The following DIDO1 variants were observed in gnomAD, a reference collection of about 807,000 sequenced individuals.
DIDO1 encodes death inducer-obliterator 1.
A neutral mutation model predicts 99.4 loss-of-function variants in DIDO1; 16 were observed. The ratio of observed to expected loss-of-function variants is 0.16; its 90% CI spans 0.11 to 0.24. The LOEUF is 0.24. Ranked by LOEUF, DIDO1 falls within the 10% of genes least tolerant of loss-of-function variation. The pLI, the probability that DIDO1 is intolerant of heterozygous loss-of-function variation, is 1.00. For missense variants in DIDO1, 2,996 were observed against 3,014.0 expected, an observed-to-expected ratio of 0.99 and a Z score of 0.14; for synonymous variants, 1,366 against 1,239.1, an observed-to-expected ratio of 1.10 and a Z score of -2.15.
At chr20:62,906,499 A>G (rs1055724641) in intron 5 of DIDO1, among the ~76,000 whole-genome samples, 1 of 152,220 alleles carries the variant, frequency 6.6e-6, no homozygotes, top group Non-Finnish European at 1.5e-5. Context: ...GCTGTGCCCA[A>G]CGCCGAGGGT....
intron 5 of DIDO1, 38 bp downstream of exon 5, chr20:62,907,109 G>A: frequency 6.2e-7 from 1 of 1,604,896 alleles, no homozygotes; most frequent in Non-Finnish European, 8.5e-7. Flanking sequence ...TCACGCCTGT[G>A]CGTCCACTGC....
At chr20:62,907,120 C>T (rs1455347805) in intron 5 of DIDO1, 27 bp downstream of exon 5, 2 of 1,612,458 alleles carry the variant, frequency 1.2e-6, no homozygotes, top group Non-Finnish European at 1.7e-6. Flanking sequence ...CGTCCACTGC[C>T]TGGGCGGCTG....
intron 1 of DIDO1, among the ~76,000 whole-genome samples, chr20:62,933,342 T>C (rs561697176): frequency 6.6e-6 from 1 of 152,314 alleles, no homozygotes; most frequent in East Asian, 1.9e-4. Context: ...GAGGTCTGAG[T>C]GTTTCCTACC....
chr20:62,907,983 C>CA (rs1555847042), intron 4 of DIDO1, among the ~76,000 whole-genome samples: 9 of 149,468 alleles, frequency 6.0e-5, no homozygotes, highest in Non-Finnish European at 7.4e-5. Flanking sequence ...ATGAAACATA[C>CA]TTTTTTTTTT....
At chr20:62,889,429 G>A (rs902329070) in intron 15 of DIDO1, 36 of 985,334 alleles carry the variant, frequency 3.7e-5, no homozygotes, top group Middle Eastern at 5.2e-4. Flanking sequence ...CTCAAGAAAG[G>A]ATGAAATATC....
At chr20:62,909,677 G>A (rs748152405) in intron 4 of DIDO1, 22 bp downstream of exon 4, 21 of 1,609,010 alleles carry the variant, frequency 1.3e-5, no homozygotes, top group African/African-American at 1.1e-4. Flanking sequence ...CTGAATGCTC[G>A]TCTCAGCGGA....
intron 1 of DIDO1, among the ~76,000 whole-genome samples, chr20:62,932,051 T>C (rs1427126460): frequency 6.6e-6 from 1 of 152,246 alleles, no homozygotes; most frequent in Non-Finnish European, 1.5e-5. Flanking sequence ...CTGGAGGTTT[T>C]TTCCCTTCAG....
At position 62,922,225 on chromosome 20, in the gene DIDO1, CACACACATATATATATAT is replaced by C. The variant is rs1309329430; in HGVS notation, c.-200+4196_-200+4213del. On this transcript the variant is annotated intron_variant, in intron 1 of 15. Coordinates refer to ENST00000395343, the MANE Select transcript of DIDO1 (RefSeq NM_001193369.2). Reference sequence around the variant, plus strand: ...ATATATATGTACATATATATACACACACACACATATATATATATACACACACACACATATATATACACA... The same window carrying C: ...ATATATATGTACATATATATACACACACACACACACACATATATATACACA... Among the ~76,000 whole-genome samples, 104 of 90,624 alleles carry C rather than the reference CACACACATATATATATAT, an allele frequency of 1.1e-3. 2 individuals are homozygous for C. The highest frequency in any genetic ancestry group is 5.7e-4 in the Non-Finnish European group (25 of 44,010). The allele number at this position is 90,624 out of a possible 152,430, so 59.5% of individuals were successfully genotyped here.
At chr20:62,887,130 G>A (rs1006653665) in intron 15 of DIDO1, 25 of 985,404 alleles carry the variant, frequency 2.5e-5, no homozygotes, top group Non-Finnish European at 3.0e-5. Context: ...GGTGCACTGC[G>A]CTGGCTTATG....
intron 15 of DIDO1, 179 bp downstream of exon 15, chr20:62,890,781 T>G (rs527820446): frequency 1.4e-6 from 2 of 1,448,978 alleles, no homozygotes; most frequent in East Asian, 5.0e-5. Context: ...TCAGGGGTAC[T>G]TCTCGTGCCA....
chr20:62,881,188 G>A lies in DIDO1; in HGVS notation c.4768C>T (p.Leu1590=), dbSNP rs747946817. 1.1e-5 allele frequency: 18 copies of A among 1,607,214 alleles called. No individual in the cohort carries two copies. Among genetic ancestry groups the A allele is most frequent in the South Asian group, 1.1e-4 (10 of 90,978 alleles). The change falls in exon 16 of 16, where the codon CTG becomes TTG. Residue 1590 remains leucine (L), a synonymous_variant. Transcript: ENST00000395343. The surrounding 1 kb of genome is among the most constrained non-coding windows in gnomAD (Gnocchi z 8.3). ...RLSARGAQGA[L]PERDASRGGL... ...CCCCTGGAAGCATCTCTCTCGGGCA[G>A]GGCACCCTGGGCACCACGTGCCGAG... is the stretch of plus-strand genomic sequence containing the variant.
At chr20:62,924,382 G>A (rs753410794) in intron 1 of DIDO1, among the ~76,000 whole-genome samples, 1 of 152,162 alleles carries the variant, frequency 6.6e-6, no homozygotes, top group East Asian at 1.9e-4. Context: ...AGCCAAATAA[G>A]CCACTTGGTA....
chr20:62,912,904 C>A (rs1049279021), intron 2 of DIDO1, among the ~76,000 whole-genome samples: 1 of 152,052 alleles, frequency 6.6e-6, no homozygotes, highest in Non-Finnish European at 1.5e-5. Flanking sequence ...TGGTGGCAGG[C>A]GCCTGTAATC....
intron 6 of DIDO1, among the ~76,000 whole-genome samples, chr20:62,901,381 C>A (rs980352269): frequency 4.6e-5 from 7 of 152,226 alleles, no homozygotes; most frequent in African/African-American, 1.7e-4. Context: ...GATGGACGTT[C>A]CACTCAACTG....
chr20:62,888,493 G>A (rs1346062819), intron 15 of DIDO1: 1 of 985,392 alleles, frequency 1.0e-6, no homozygotes, highest in African/African-American at 1.7e-5. Context: ...CTGGGGGCGT[G>A]ACTCCAAGCT....
rs774436493 is a variant in DIDO1 at position 62,879,539 on chromosome 20, C to A, written c.6417G>T (p.Arg2139=). ...CCCAGTCCCGGCTGGAGTCCTTGTC[C>A]CGGTGTCGGTCCCACTCCCGGGGCC... is the stretch of plus-strand genomic sequence containing the variant. ...WDRPREWDRH[R]DKDSSRDWDR... Residue 2139 remains arginine (R), a synonymous_variant, in exon 16 of 16, where the codon CGG becomes CGT. Coordinates refer to ENST00000395343, the MANE Select transcript of DIDO1 (RefSeq NM_001193369.2). This position sits in a 1 kb window ranked among gnomAD's most constrained non-coding sequence, Gnocchi z 6.3. 8 of 1,600,326 alleles carry A rather than the reference C, an allele frequency of 5.0e-6. No individual in the cohort carries two copies. The African/African-American group carries it at 1.1e-4, about 21-fold the overall frequency.
At chr20:62,895,526 A>C (rs2064499913) in intron 8 of DIDO1, among the ~76,000 whole-genome samples, 1 of 152,246 alleles carries the variant, frequency 6.6e-6, no homozygotes, top group Non-Finnish European at 1.5e-5. Context: ...ACAAGTCAAA[A>C]AGGTAGCGTC....
At position 62,905,799 on chromosome 20, in the gene DIDO1, G is replaced by C. The variant is rs762192751; in HGVS notation, c.1588+88C>G. ...TCTGTGATCAGCTTAACACAAAGCT[G>C]CAACTCCCAGTCCTGGACAGGCCCA... is the stretch of plus-strand genomic sequence containing the variant. On this transcript the variant is annotated intron_variant, in intron 6 of 15. Transcript: ENST00000395343. 1.4e-5 allele frequency: 22 copies of C among 1,613,088 alleles called. No individual in the cohort carries two copies. The East Asian group carries it at 4.9e-4, about 36-fold the overall frequency.
intron 6 of DIDO1, 63 bp downstream of exon 6, chr20:62,905,824 A>G: frequency 6.2e-7 from 1 of 1,614,012 alleles, no homozygotes; most frequent in Non-Finnish European, 8.5e-7. Context: ...GGACAGGCCC[A>G]GGGGATGGCT....
Sources: allele counts gnomAD v4.1 joint callset (sites outside exome capture counted in the v4.1 genomes callset), GRCh38; gene constraint gnomAD v4.1.1; non-coding constraint Gnocchi (gnomAD v3.1); transcripts MANE v1.5; gene names NCBI Gene and HGNC (gene_info 2026-07-23, HGNC 2026-07-21).